The following ZMAT2 variants were observed in gnomAD, a reference collection of about 807,000 sequenced individuals.
ZMAT2 encodes the protein zinc finger matrin-type protein 2.
In ZMAT2, 5 loss-of-function variants were observed where a neutral mutation model predicts 27.5. The ratio of observed to expected loss-of-function variants is 0.18; its 90% CI spans 0.10 to 0.38. The LOEUF is 0.38. ZMAT2 is among the 10% of genes least tolerant of loss of function. ZMAT2 has a pLI of 1.00. For synonymous variants in ZMAT2, 76 were observed against 78.6 expected (o/e 0.97, Z 0.17); for missense variants, 124 against 243.9 (o/e 0.51, Z 3.27).
Position 140,700,896 on chromosome 5 carries a change from G to A in ZMAT2, c.96G>A (p.Glu32=). The stretch of plus-strand genomic sequence containing the variant: ...TCGCCGAGAAGAGGCTCACGGAAGA[G>A]AGAGAAAAGAAAGATGGTGGGTGCT... The part of the protein sequence containing the change: ...EKLAEKRLTE[E]REKKDGKPVQ... Residue 32 remains glutamate (E), a synonymous_variant, in exon 2 of 6, where the codon GAG becomes GAA. Transcript: ENST00000274712. The A allele has an allele frequency of 1.2e-6, 2 of 1,614,162 alleles. No individual in the cohort carries two copies. Among genetic ancestry groups the A allele is most frequent in the East Asian group, 2.2e-5 (1 of 44,878 alleles).
chr5:140,704,470 C>A lies in ZMAT2; in HGVS notation c.355C>A (p.Leu119Met). ...GTCTATGCGTGTGGAACGTTCCACC[C>A]TGGATCAGGTGAAGAAACGTTTTGA... The part of the protein sequence containing the change: ...GMSMRVERST[L>M]DQVKKRFEVN... The change falls in exon 5 of 6, where the codon CTG becomes ATG. Residue 119 changes from leucine (L) to methionine (M), a missense_variant. Leu to Met is a conservative substitution (Grantham distance 15). Around this residue, in one of 5 missense-constraint regions of ZMAT2, gnomAD observed 11 missense variants for 68.1 expected, o/e 0.16. Transcript: ENST00000274712. 2 of 1,613,982 alleles carry A rather than the reference C, an allele frequency of 1.2e-6. No individual in the cohort carries two copies. Among genetic ancestry groups the A allele is most frequent in the Non-Finnish European group, 1.7e-6 (2 of 1,179,954 alleles).
Position 140,701,994 on chromosome 5 carries a change from A to G in ZMAT2, c.113-12A>G. ...TAATATTGAAGGGACTTCCTTCCCC[A>G]TTATGTTTCAGGAAAACCAGTGCAG... is the stretch of plus-strand genomic sequence containing the variant. On this transcript the variant is annotated splice_polypyrimidine_tract_variant and intron_variant, in intron 2 of 5. Coordinates refer to ENST00000274712, the MANE Select transcript of ZMAT2 (RefSeq NM_144723.3). 6.2e-7 allele frequency: 1 copy of G among 1,603,942 alleles called. No individual in the cohort carries two copies. Among genetic ancestry groups the G allele is most frequent in the Non-Finnish European group, 8.5e-7 (1 of 1,175,390 alleles).
Position 140,705,874 on chromosome 5 carries a change from G to T in ZMAT2, c.*118G>T. On this transcript the variant is annotated 3_prime_UTR_variant, in exon 6 of 6. Transcript: ENST00000274712. ...GGAAAGTTCTTAAGAGTGTCAATGGGGAGGGATAGAGGGTGGGGGCTCATG... is the reference window on the plus strand; with the variant it reads ...GGAAAGTTCTTAAGAGTGTCAATGGTGAGGGATAGAGGGTGGGGGCTCATG... 1 of 1,378,872 alleles carries T rather than the reference G, an allele frequency of 7.3e-7. No homozygotes were observed. The highest frequency in any genetic ancestry group is 9.8e-7 in the Non-Finnish European group (1 of 1,017,890). The allele number at this position is 1,378,872 out of a possible 1,614,324, so 85.4% of individuals were successfully genotyped here.
In ZMAT2 at chr5:140,700,456, T is replaced by C. The variant is rs1190298974; in HGVS notation, c.-5T>C. 1.9e-6 allele frequency: 3 copies of C among 1,613,000 alleles called. No individual in the cohort carries two copies. The highest frequency in any genetic ancestry group is 2.5e-6 in the Non-Finnish European group (3 of 1,179,912). ...TTTCAGCTCGCCATTCACTTCGCTG[T>C]GAAGATGGCGTCGGGCAGCGGGGTA... On this transcript the variant is annotated 5_prime_UTR_variant, in exon 1 of 6. Coordinates refer to ENST00000274712, the MANE Select transcript of ZMAT2 (RefSeq NM_144723.3).
At position 140,706,585 on chromosome 5, in the gene ZMAT2, A is replaced by G. The variant is rs1429890638; in HGVS notation, c.*829A>G. ...ATGAAAAACAAAACAAAAAATCCCCAAAACCTTATTATGGGAGCCCGTCGG... is the reference window on the plus strand; with the variant it reads ...ATGAAAAACAAAACAAAAAATCCCCGAAACCTTATTATGGGAGCCCGTCGG... On this transcript the variant is annotated 3_prime_UTR_variant, in exon 6 of 6. Coordinates refer to ENST00000274712, the MANE Select transcript of ZMAT2 (RefSeq NM_144723.3). 6.5e-6 allele frequency: 1 copy of G among 152,684 alleles called. No individual in the cohort carries two copies. Among genetic ancestry groups the G allele is most frequent in the Non-Finnish European group, 1.5e-5 (1 of 68,052 alleles). 9.5% of individuals were successfully genotyped at this position (152,684 alleles called of 1,614,324 possible). A position where few individuals can be genotyped will look rare whatever the true frequency, so the allele number is the denominator to read the frequency against.
At position 140,705,788 on chromosome 5, in the gene ZMAT2, T is replaced by A; in HGVS notation, c.*32T>A. On this transcript the variant is annotated 3_prime_UTR_variant, in exon 6 of 6. Coordinates refer to ENST00000274712, the MANE Select transcript of ZMAT2 (RefSeq NM_144723.3). ...CTGTGCTTGGCCTGACTTTGGCCTA[T>A]GCTGGACCTAACTTTGCGTGTGTGT... The A allele has an allele frequency of 6.2e-7, 1 of 1,608,432 alleles. No homozygotes were observed. Among genetic ancestry groups the A allele is most frequent in the South Asian group, 1.1e-5 (1 of 90,856 alleles).
intron 5 of ZMAT2, among the ~76,000 whole-genome samples, chr5:140,705,296 A>G (rs1330605536): frequency 1.3e-5 from 2 of 151,238 alleles, no homozygotes; most frequent in Non-Finnish European, 2.9e-5. Context: ...GTCCCCCACA[A>G]CATGCATAGC....
In ZMAT2 at chr5:140,706,347, T is replaced by G. The variant is rs542403242; in HGVS notation, c.*591T>G. 1.2e-3 allele frequency: 184 copies of G among 153,108 alleles called. No individual in the cohort carries two copies. The highest frequency in any genetic ancestry group is 1.9e-3 in the Non-Finnish European group (128 of 68,228). 9.5% of individuals were successfully genotyped at this position (153,108 alleles called of 1,614,324 possible). A position where few individuals can be genotyped will look rare whatever the true frequency, so the allele number is the denominator to read the frequency against. ...GGTCCGAGCTGGAATCCTAGAGCAT[T>G]GCTGCCCTGGGGCCTGATGTTCTTG... On this transcript the variant is annotated 3_prime_UTR_variant, in exon 6 of 6. Transcript: ENST00000274712.
chr5:140,702,080 G>C lies in ZMAT2; in HGVS notation c.187G>C (p.Gly63Arg). The C allele has an allele frequency of 6.2e-7, 1 of 1,613,592 alleles. No homozygotes were observed. The highest frequency in any genetic ancestry group is 8.5e-7 in the Non-Finnish European group (1 of 1,179,810). Residue 63 changes from glycine to arginine, a missense_variant, in exon 3 of 6, where the codon GGG (glycine) becomes CGG (arginine). This residue lies in a region of ZMAT2 where 34 missense variants were observed against 50.8 expected (regional missense o/e 0.67). Coordinates refer to ENST00000274712, the MANE Select transcript of ZMAT2 (RefSeq NM_144723.3). ...DYKVDLESKLGKTIVITKTTP... is the reference protein window; with the variant it reads ...DYKVDLESKLRKTIVITKTTP... ...CAAGGTGGACTTGGAATCCAAGCTT[G>C]GGAAGACAATTGTCATTACCAAGAC...
chr5:140,700,674 G>C, intron 1 of ZMAT2, 145 bp from the exon 2 acceptor site: 1 of 1,281,428 alleles, frequency 7.8e-7, no homozygotes, highest in Non-Finnish European at 1.1e-6. Flanking sequence ...TTGGGGTCTT[G>C]AGGCTACCTC....
In ZMAT2 at chr5:140,705,599, A is replaced by G. The variant is rs1562073642; in HGVS notation, c.457-14A>G. 3.7e-6 allele frequency: 6 copies of G among 1,605,764 alleles called. No homozygotes were observed. The South Asian group carries it at 5.5e-5, about 15-fold the overall frequency. On this transcript the variant is annotated splice_polypyrimidine_tract_variant and intron_variant, in intron 5 of 5. Coordinates refer to ENST00000274712, the MANE Select transcript of ZMAT2 (RefSeq NM_144723.3). ...GAGGAGTCTAAACTGATTCTGAGTGATTTTTCCCTCCAGGAGGAAAAGGCC... is the reference window on the plus strand; with the variant it reads ...GAGGAGTCTAAACTGATTCTGAGTGGTTTTTCCCTCCAGGAGGAAAAGGCC...
At chr5:140,703,814 T>C in intron 3 of ZMAT2, 104 bp from the exon 4 acceptor site, 1 of 1,053,784 alleles carries the variant, frequency 9.5e-7, no homozygotes. Context: ...AATGAAGGCT[T>C]AACACTTCTA....
chr5:140,704,529 G>A lies in ZMAT2; in HGVS notation c.414G>A (p.Lys138=). Residue 138 remains lysine, a synonymous_variant, in exon 5 of 6, where the codon AAG becomes AAA. Transcript: ENST00000274712. ...AGAAGAAGATGGAAGAGAAGCAGAAGGATTATGATTTTGAGGAAAGGATGA... is the reference window on the plus strand; with the variant it reads ...AGAAGAAGATGGAAGAGAAGCAGAAAGATTATGATTTTGAGGAAAGGATGA... ...VNKKKMEEKQ[K]DYDFEERMKE... 2 of 1,613,980 alleles carry A rather than the reference G, an allele frequency of 1.2e-6. No homozygotes were observed. Among genetic ancestry groups the A allele is most frequent in the Non-Finnish European group, 1.7e-6 (2 of 1,179,982 alleles).
intron 5 of ZMAT2, 95 bp downstream of exon 5, chr5:140,704,666 C>A: frequency 1.5e-6 from 2 of 1,350,626 alleles, no homozygotes. Context: ...TACTCCCACC[C>A]CCAGAGTTGT....
chr5:140,705,736 T>C lies in ZMAT2; in HGVS notation c.580T>C (p.Ser194Pro). ...AAVMGFSGFG[S>P]TKKSY ...TGTGATGGGCTTCTCTGGCTTTGGT[T>C]CCACCAAGAAGAGTTACTGAGGCTT... Residue 194 changes from serine (S) to proline (P), a missense_variant, in exon 6 of 6, where the codon TCC becomes CCC. Coordinates refer to ENST00000274712, the MANE Select transcript of ZMAT2 (RefSeq NM_144723.3). The C allele has an allele frequency of 6.2e-7, 1 of 1,614,060 alleles. No individual in the cohort carries two copies.
At chr5:140,701,967 T>G (rs774513328) in intron 2 of ZMAT2, 39 bp from the exon 3 acceptor site, 1 of 1,574,074 alleles carries the variant, frequency 6.4e-7, no homozygotes, top group Non-Finnish European at 8.6e-7. Flanking sequence ...GTTGAGGAAC[T>G]ATAATATTGA....
chr5:140,704,120 T>C (rs1760010188), intron 4 of ZMAT2, 129 bp downstream of exon 4: 2 of 871,836 alleles, frequency 2.3e-6, no homozygotes, highest in Non-Finnish European at 3.6e-6. Context: ...GGGTAGTTTC[T>C]ACTGGGCTCT....
intron 4 of ZMAT2, 90 bp downstream of exon 4, chr5:140,704,081 T>A (rs1397383024): frequency 8.0e-7 from 1 of 1,244,666 alleles, no homozygotes; most frequent in East Asian, 2.3e-5. Context: ...TTCTTCTTTT[T>A]ACTCATCAAA....
intron 5 of ZMAT2, among the ~76,000 whole-genome samples, chr5:140,704,861 G>A (rs1327934872): frequency 2.1e-5 from 3 of 139,956 alleles, no homozygotes; most frequent in Non-Finnish European, 4.5e-5. Flanking sequence ...AACTTCTGAT[G>A]GGGTTACCTA....
Sources: gnomAD v4.1 joint callset for allele counts (sites outside exome capture counted in the v4.1 genomes callset) on GRCh38, gnomAD v4.1.1 for gene constraint, gnomAD v4.1.1 regional missense constraint, MANE v1.5 for transcripts, NCBI Gene and HGNC (gene_info 2026-07-23, HGNC 2026-07-21) for gene names.